SRGAP1: variants seen among roughly 807,000 people sequenced by gnomAD.
The protein encoded by SRGAP1 is SLIT-ROBO Rho GTPase-activating protein 1.
Under a neutral mutation model 121.9 loss-of-function variants are expected in SRGAP1, and 43 were observed. That is an observed-to-expected ratio of 0.35 (90% CI 0.28 to 0.46). The LOEUF is 0.46. Ranked by LOEUF, SRGAP1 falls within the 20% of genes least tolerant of loss-of-function variation. The pLI is 1.00. For synonymous variants in SRGAP1, 447 were observed against 485.4 expected, an observed-to-expected ratio of 0.92 and a Z score of 1.04; for missense variants, 1,102 against 1,350.9, an observed-to-expected ratio of 0.82 and a Z score of 2.89.
intron 1 of SRGAP1, among the ~76,000 whole-genome samples, chr12:63,981,830 T>C (rs1449858500): frequency 6.6e-6 from 1 of 152,048 alleles, no homozygotes; most frequent in Non-Finnish European, 1.5e-5. Context: ...AGGGCAGAGA[T>C]CTTGTTTCAT....
chr12:63,989,953 C>T lies in SRGAP1; in HGVS notation c.307C>T (p.Leu103Phe). The change falls in exon 3 of 22, where the codon CTC (leucine) becomes TTC (phenylalanine). Residue 103 changes from leucine (L) to phenylalanine (F), a missense_variant. This residue lies in a region of SRGAP1 where 747 missense variants were observed against 929.4 expected (regional missense o/e 0.80). Coordinates refer to ENST00000355086, the MANE Select transcript of SRGAP1 (RefSeq NM_020762.4). ...LLSPVNCWYL[L>F]LNQVRRESKD... ...GTCTCCAGTGAACTGCTGGTATTTG[C>T]TCCTGAACCAAGTAAGGAGAGAAAG... The T allele has an allele frequency of 2.5e-6, 4 of 1,613,822 alleles. No homozygotes were observed. The highest frequency in any genetic ancestry group is 3.4e-6 in the Non-Finnish European group (4 of 1,179,852).
intron 1 of SRGAP1, among the ~76,000 whole-genome samples, chr12:63,909,609 G>A (rs867594668): frequency 1.3e-5 from 2 of 152,280 alleles, no homozygotes; most frequent in African/African-American, 2.4e-5. Context: ...CTCTGCTGTC[G>A]TATTTATACT....
chr12:63,987,593 G>A (rs926162724), intron 2 of SRGAP1, among the ~76,000 whole-genome samples: 1 of 151,972 alleles, frequency 6.6e-6, no homozygotes, highest in African/African-American at 2.4e-5. Flanking sequence ...ATGGTGGCAG[G>A]CACCTGTAAT....
chr12:63,881,922 C>G (rs938089872), intron 1 of SRGAP1, among the ~76,000 whole-genome samples: 1 of 151,986 alleles, frequency 6.6e-6, no homozygotes, highest in African/African-American at 2.4e-5. Context: ...TACTAAAACT[C>G]TAGAAAAATA....
At chr12:63,985,732 T>G (rs1189699369) in intron 2 of SRGAP1, among the ~76,000 whole-genome samples, 3 of 152,206 alleles carry the variant, frequency 2.0e-5, no homozygotes, top group Non-Finnish European at 4.4e-5. Context: ...GACTTGGAAC[T>G]GAGAGCTTCC....
At chr12:64,094,094 C>G (rs769165079) in intron 12 of SRGAP1, among the ~76,000 whole-genome samples, 2 of 152,032 alleles carry the variant, frequency 1.3e-5, no homozygotes, top group African/African-American at 2.4e-5. Context: ...AGATCTAATT[C>G]CTGAAAAAGC....
At chr12:64,015,462 C>G (rs1163911004) in intron 3 of SRGAP1, among the ~76,000 whole-genome samples, 1 of 152,144 alleles carries the variant, frequency 6.6e-6, no homozygotes, top group Non-Finnish European at 1.5e-5. Flanking sequence ...GCTGTCAGAG[C>G]TTAGTAAATA....
intron 3 of SRGAP1, among the ~76,000 whole-genome samples, chr12:64,000,275 TAA>T (rs1555163999): frequency 0.057 from 7,576 of 133,146 alleles, 244 homozygotes; most frequent in Non-Finnish European, 0.078. Context: ...TGTGTGTGTG[TAA>T]AAAAAAAAAA....
chr12:63,988,972 G>A (rs780575754), intron 2 of SRGAP1, among the ~76,000 whole-genome samples: 53 of 152,110 alleles, frequency 3.5e-4, no homozygotes, highest in Middle Eastern at 3.4e-3. Context: ...CACCATGCCC[G>A]GCTGATTTTT....
chr12:63,903,549 T>C (rs550297976), intron 1 of SRGAP1, among the ~76,000 whole-genome samples: 23 of 148,384 alleles, frequency 1.6e-4, no homozygotes, highest in African/African-American at 5.5e-4. Flanking sequence ...CCCAGCCTGT[T>C]TTTTTGTTTG....
chr12:64,042,077 A>G (rs532887208), intron 4 of SRGAP1, among the ~76,000 whole-genome samples: 2 of 151,748 alleles, frequency 1.3e-5, no homozygotes, highest in South Asian at 2.1e-4. Context: ...TTGTATTTTT[A>G]GTAGAGACAG....
intron 1 of SRGAP1, among the ~76,000 whole-genome samples, chr12:63,949,451 G>A (rs1254473653): frequency 4.3e-5 from 6 of 140,410 alleles, no homozygotes; most frequent in Admixed American, 1.5e-4. Context: ...ATTTTGAGAC[G>A]GAACCTCGCT....
At chr12:63,953,399 A>ATTTTTTT in intron 1 of SRGAP1, among the ~76,000 whole-genome samples, 1 of 114,702 alleles carries the variant, frequency 8.7e-6, no homozygotes, top group Non-Finnish European at 1.8e-5. Context: ...TTCTTGATTG[A>ATTTTTTT]TTTTTTTTTT....
At chr12:63,907,016 G>A (rs1198954719) in intron 1 of SRGAP1, among the ~76,000 whole-genome samples, 1 of 151,880 alleles carries the variant, frequency 6.6e-6, no homozygotes, top group Non-Finnish European at 1.5e-5. Context: ...GCCTCGTTTT[G>A]TGTTCCCACA....
chr12:64,096,027 A>G (rs1593123022), intron 14 of SRGAP1, among the ~76,000 whole-genome samples: 1 of 152,164 alleles, frequency 6.6e-6, no homozygotes. Flanking sequence ...CGATTTCCTC[A>G]CCTGCAAAAC....
At chr12:64,094,845 T>A (rs2036122652) in intron 12 of SRGAP1, 87 bp from the exon 13 acceptor site, 2 of 1,284,104 alleles carry the variant, frequency 1.6e-6, no homozygotes, top group African/African-American at 3.0e-5. Flanking sequence ...AAATCCCTCT[T>A]TAATTACTGT....
chr12:63,854,459 C>T (rs1899171908), intron 1 of SRGAP1, among the ~76,000 whole-genome samples: 2 of 152,070 alleles, frequency 1.3e-5, no homozygotes, highest in Non-Finnish European at 2.9e-5. Context: ...CTGGGATTTT[C>T]TTGAAAGTAA....
chr12:63,857,088 CTT>C (rs59666761), intron 1 of SRGAP1, among the ~76,000 whole-genome samples: 151 of 143,756 alleles, frequency 1.1e-3, no homozygotes, highest in African/African-American at 3.3e-3. Context: ...CAATTTACTG[CTT>C]TTTTTTTTTT....
intron 15 of SRGAP1, among the ~76,000 whole-genome samples, chr12:64,104,327 T>C (rs914186881): frequency 3.3e-5 from 5 of 152,170 alleles, no homozygotes; most frequent in African/African-American, 1.2e-4. Flanking sequence ...GTGATCAAGG[T>C]TGGATGAATG....
Sources: allele counts gnomAD v4.1 joint callset (sites outside exome capture counted in the v4.1 genomes callset), GRCh38; gene constraint gnomAD v4.1.1; regional missense constraint gnomAD v4.1.1; transcripts MANE v1.5; gene names NCBI Gene and HGNC (gene_info 2026-07-23, HGNC 2026-07-21).